Variants in LPAR1 observed in about 807,000 individuals in gnomAD.
The protein encoded by LPAR1 is LPA receptor 1.
In LPAR1, 5 loss-of-function variants were observed where a neutral mutation model predicts 23.8. The observed-to-expected ratio is 0.21, with a 90% confidence interval of 0.11 to 0.44. The LOEUF is 0.44. LPAR1 is among the 20% of genes least tolerant of loss of function. The pLI is 0.99. For missense variants in LPAR1, 311 were observed against 482.8 expected (o/e 0.64, Z 3.33); for synonymous variants, 160 against 164.7 (o/e 0.97, Z 0.22).
chr9:111,014,663 T>C (rs1486192720), intron 2 of LPAR1, among the ~76,000 whole-genome samples: 1 of 152,144 alleles, frequency 6.6e-6, no homozygotes, highest in Non-Finnish European at 1.5e-5. Flanking sequence ...CAGGTGTTCT[T>C]AAAATAAGCC....
At chr9:110,924,238 CAA>C (rs10695949) in intron 5 of LPAR1, among the ~76,000 whole-genome samples, 1,541 of 144,058 alleles carry the variant, frequency 0.011, 20 homozygotes, top group African/African-American at 0.037. Context: ...ATTATAATAG[CAA>C]AAAAAAAAAA....
chr9:111,032,391 T>C (rs527692849), intron 2 of LPAR1, among the ~76,000 whole-genome samples: 202 of 152,294 alleles, frequency 1.3e-3, no homozygotes, highest in African/African-American at 4.7e-3. Context: ...TTCTCTCTCA[T>C]AACACTTGTT....
At chr9:110,877,250 T>C (rs2079357846) in intron 5 of LPAR1, among the ~76,000 whole-genome samples, 1 of 152,112 alleles carries the variant, frequency 6.6e-6, no homozygotes, top group African/African-American at 2.4e-5. Context: ...GAAATGAAAA[T>C]AAAGGAGAAA....
chr9:110,878,559 T>G (rs2079778509), intron 5 of LPAR1, among the ~76,000 whole-genome samples: 1 of 152,178 alleles, frequency 6.6e-6, no homozygotes, highest in Non-Finnish European at 1.5e-5. Flanking sequence ...CCCATCAACA[T>G]GTAATCTACA....
At chr9:111,011,193 C>T (rs1588850459) in intron 2 of LPAR1, among the ~76,000 whole-genome samples, 1 of 109,386 alleles carries the variant, frequency 9.1e-6, no homozygotes, top group African/African-American at 4.4e-5. Flanking sequence ...TATAGTTTAA[C>T]TAGTCTTATT....
At chr9:110,912,271 C>G (rs926576896) in intron 5 of LPAR1, among the ~76,000 whole-genome samples, 4 of 152,198 alleles carry the variant, frequency 2.6e-5, no homozygotes, top group Non-Finnish European at 5.9e-5. Flanking sequence ...ACTAGAAGTA[C>G]TTCACATTAC....
At chr9:110,888,638 C>T (rs2083101102) in intron 5 of LPAR1, among the ~76,000 whole-genome samples, 7 of 149,456 alleles carry the variant, frequency 4.7e-5, no homozygotes, top group Admixed American at 4.7e-4. Flanking sequence ...CAACAAAATA[C>T]AAAATAAGTA....
intron 5 of LPAR1, among the ~76,000 whole-genome samples, chr9:110,896,787 C>CTTTT (rs3030133): frequency 1.2e-4 from 15 of 126,348 alleles, no homozygotes; most frequent in East Asian, 2.3e-4. Flanking sequence ...TTAGTGAAAT[C>CTTTT]TTTTTTTTTT....
At chr9:111,032,992 T>C (rs1289065244) in intron 2 of LPAR1, among the ~76,000 whole-genome samples, 2 of 152,268 alleles carry the variant, frequency 1.3e-5, no homozygotes, top group African/African-American at 4.8e-5. Context: ...CCCTGCCTCA[T>C]GCAGGCTTAT....
At chr9:110,936,744 A>T (rs540178870) in intron 5 of LPAR1, among the ~76,000 whole-genome samples, 51 of 152,236 alleles carry the variant, frequency 3.4e-4, no homozygotes, top group Middle Eastern at 3.4e-3. Context: ...ATTTTACTTT[A>T]TGTCTCTCCC....
At chr9:111,027,455 T>G (rs1011428402) in intron 2 of LPAR1, among the ~76,000 whole-genome samples, 12 of 152,288 alleles carry the variant, frequency 7.9e-5, no homozygotes, top group African/African-American at 2.9e-4. Flanking sequence ...GAGCTATGAC[T>G]GAGCAACTGA....
chr9:110,874,075 A>G lies in LPAR1; in HGVS notation c.*1346T>C, dbSNP rs2078624155. ...GTACAAAAGCAGGAAATCCCTTTTC[A>G]TGAAAGGTGTAAGTACAAGATGACA... On this transcript the variant is annotated 3_prime_UTR_variant, in exon 6 of 6. Coordinates refer to ENST00000683809, the MANE Select transcript of LPAR1 (RefSeq NM_001351411.2). The G allele has an allele frequency of 6.6e-6, 1 of 152,664 alleles. No individual in the cohort carries two copies. Among genetic ancestry groups the G allele is most frequent in the Non-Finnish European group, 1.5e-5 (1 of 68,042 alleles). 9.5% of individuals were successfully genotyped at this position (152,664 alleles called of 1,614,324 possible). A position where few individuals can be genotyped will look rare whatever the true frequency, so the allele number is the denominator to read the frequency against.
intron 5 of LPAR1, among the ~76,000 whole-genome samples, chr9:110,889,637 T>C (rs1431202975): frequency 6.6e-6 from 1 of 152,258 alleles, no homozygotes; most frequent in African/African-American, 2.4e-5. Flanking sequence ...ATTGTAAAAT[T>C]GTAATTGAGT....
At chr9:110,952,354 G>A (rs1033087099) in intron 4 of LPAR1, among the ~76,000 whole-genome samples, 3 of 152,088 alleles carry the variant, frequency 2.0e-5, no homozygotes, top group African/African-American at 4.8e-5. Flanking sequence ...ATGCAACAGC[G>A]TTACTCCAGA....
intron 4 of LPAR1, among the ~76,000 whole-genome samples, chr9:110,942,819 A>C (rs562040047): frequency 1.6e-3 from 249 of 152,268 alleles, no homozygotes; most frequent in African/African-American, 5.3e-3. Flanking sequence ...AATCTATGAC[A>C]TTTGAGAATT....
intron 5 of LPAR1, among the ~76,000 whole-genome samples, chr9:110,908,083 G>T (rs2091682381): frequency 6.6e-6 from 1 of 151,450 alleles, no homozygotes; most frequent in Non-Finnish European, 1.5e-5. Context: ...TTGTTTAATT[G>T]TTCTTTGGAA....
chr9:110,952,991 G>C (rs550567737), intron 4 of LPAR1, among the ~76,000 whole-genome samples: 2 of 152,254 alleles, frequency 1.3e-5, no homozygotes, highest in East Asian at 3.9e-4. Flanking sequence ...CACCTCAGTT[G>C]GCACACAGAC....
intron 2 of LPAR1, among the ~76,000 whole-genome samples, chr9:110,991,046 T>C (rs868318236): frequency 1.3e-5 from 2 of 152,150 alleles, no homozygotes; most frequent in African/African-American, 4.8e-5. Flanking sequence ...AAAAACCAAC[T>C]GATTCATACC....
chr9:110,972,721 A>G (rs1394824234), intron 3 of LPAR1, among the ~76,000 whole-genome samples: 2 of 152,066 alleles, frequency 1.3e-5, no homozygotes, highest in Non-Finnish European at 2.9e-5. Flanking sequence ...CCGAGGGGGA[A>G]GGATTACCTG....
Sources: gnomAD v4.1 joint callset for allele counts (sites outside exome capture counted in the v4.1 genomes callset) on GRCh38, gnomAD v4.1.1 for gene constraint, MANE v1.5 for transcripts, NCBI Gene and HGNC (gene_info 2026-07-23, HGNC 2026-07-21) for gene names.